Variants in GMDS observed in about 807,000 individuals in gnomAD.
GMDS encodes GDP-mannose 4,6 dehydratase.
In GMDS, 20 loss-of-function variants were observed where a neutral mutation model predicts 49.9. The observed-to-expected ratio is 0.40, with a 90% CI of 0.28 to 0.58. The LOEUF (loss-of-function observed/expected upper bound fraction) is 0.58, where lower values mean the gene tolerates loss of function less well. Ranked by LOEUF, GMDS falls within the 20% of genes least tolerant of loss-of-function variation. GMDS has a pLI of 0.42. For synonymous variants in GMDS, 177 were observed against 178.6 expected (o/e 0.99, Z 0.07); for missense variants, 362 against 481.4 (o/e 0.75, Z 2.32).
chr6:1,803,162 G>A (rs1165315690), intron 7 of GMDS, among the ~76,000 whole-genome samples: 1 of 152,192 alleles, frequency 6.6e-6, no homozygotes, highest in Non-Finnish European at 1.5e-5. Flanking sequence ...CATCGGCACT[G>A]TATGTTTGAG....
At chr6:1,906,782 A>G (rs114871633) in intron 7 of GMDS, among the ~76,000 whole-genome samples, 27 of 152,300 alleles carry the variant, frequency 1.8e-4, no homozygotes, top group Non-Finnish European at 3.4e-4. Context: ...TCTGGGAGCT[A>G]TCTTCGGATC....
intron 1 of GMDS, among the ~76,000 whole-genome samples, chr6:2,219,751 C>G (rs1373219609): frequency 6.6e-6 from 1 of 152,188 alleles, no homozygotes; most frequent in African/African-American, 2.4e-5. Flanking sequence ...AAAATTCCCT[C>G]TGATTTCAGT....
At chr6:2,024,696 A>C (rs993651402) in intron 4 of GMDS, among the ~76,000 whole-genome samples, 1 of 152,086 alleles carries the variant, frequency 6.6e-6, no homozygotes, top group African/African-American at 2.4e-5. Flanking sequence ...GCCAAAAGCA[A>C]GAAAGAAAAG....
chr6:1,867,939 T>C (rs573663399), intron 7 of GMDS, among the ~76,000 whole-genome samples: 2 of 152,098 alleles, frequency 1.3e-5, no homozygotes, highest in Non-Finnish European at 2.9e-5. Flanking sequence ...CCCCAACAGA[T>C]GATCCTAGGA....
intron 9 of GMDS, among the ~76,000 whole-genome samples, chr6:1,716,189 T>C (rs1766170725): frequency 6.6e-6 from 1 of 152,222 alleles, no homozygotes; most frequent in African/African-American, 2.4e-5. Flanking sequence ...TTTCTCTGAG[T>C]TACTGTTAAG....
At chr6:1,927,437 G>A (rs932893176) in intron 7 of GMDS, among the ~76,000 whole-genome samples, 5 of 152,232 alleles carry the variant, frequency 3.3e-5, no homozygotes, top group Admixed American at 6.5e-5. Context: ...AGAGGGTAGC[G>A]TGCTGTGTGC....
At chr6:1,935,688 G>C (rs1312243582) in intron 6 of GMDS, among the ~76,000 whole-genome samples, 1 of 152,162 alleles carries the variant, frequency 6.6e-6, no homozygotes, top group Non-Finnish European at 1.5e-5. Flanking sequence ...AGGAAAGAGA[G>C]TATGCAAGTA....
chr6:1,971,734 C>T (rs1341280452), intron 4 of GMDS, among the ~76,000 whole-genome samples: 1 of 152,184 alleles, frequency 6.6e-6, no homozygotes, highest in Non-Finnish European at 1.5e-5. Context: ...ATCTCTCACC[C>T]CTACTGCTTA....
intron 1 of GMDS, among the ~76,000 whole-genome samples, chr6:2,155,382 G>T (rs1229465226): frequency 6.6e-6 from 1 of 152,124 alleles, no homozygotes. Context: ...TTCCAGAAAT[G>T]AAGTGGATTC....
chr6:1,719,831 G>A (rs1383959876), intron 9 of GMDS, among the ~76,000 whole-genome samples: 1 of 152,214 alleles, frequency 6.6e-6, no homozygotes, highest in Non-Finnish European at 1.5e-5. Context: ...AGTTGATGCA[G>A]ATGCTAAAAC....
intron 4 of GMDS, among the ~76,000 whole-genome samples, chr6:1,995,217 C>T (rs1766203690): frequency 6.6e-6 from 1 of 152,108 alleles, no homozygotes; most frequent in Non-Finnish European, 1.5e-5. Context: ...AGGTGTTGTG[C>T]CACAGATCGT....
At chr6:2,075,259 T>C (rs1772262818) in intron 4 of GMDS, among the ~76,000 whole-genome samples, 1 of 152,132 alleles carries the variant, frequency 6.6e-6, no homozygotes, top group African/African-American at 2.4e-5. Context: ...AATTTTTTTT[T>C]TTTACAGGAA....
chr6:2,223,534 G>A (rs1230518271), intron 1 of GMDS, among the ~76,000 whole-genome samples: 2 of 152,072 alleles, frequency 1.3e-5, no homozygotes, highest in African/African-American at 4.8e-5. Context: ...GGCAGGACAA[G>A]GTAACTGATG....
intron 6 of GMDS, among the ~76,000 whole-genome samples, chr6:1,948,717 G>A (rs1383111437): frequency 6.6e-6 from 1 of 151,930 alleles, no homozygotes; most frequent in Non-Finnish European, 1.5e-5. Flanking sequence ...TCTTTCACAC[G>A]TCCTTGATAT....
intron 4 of GMDS, among the ~76,000 whole-genome samples, chr6:2,045,699 G>C (rs555492867): frequency 9.9e-5 from 15 of 151,602 alleles, no homozygotes; most frequent in African/African-American, 2.4e-5. Context: ...ACCTTTCCTG[G>C]AGTAATCCTA....
chr6:1,663,403 C>G (rs186603339), intron 9 of GMDS, among the ~76,000 whole-genome samples: 1 of 152,194 alleles, frequency 6.6e-6, no homozygotes, highest in East Asian at 1.9e-4. Flanking sequence ...TTAACTGAAA[C>G]GTCCCAAAGT....
chr6:1,647,960 G>C (rs1763537378), intron 9 of GMDS, among the ~76,000 whole-genome samples: 1 of 152,198 alleles, frequency 6.6e-6, no homozygotes, highest in Non-Finnish European at 1.5e-5. Context: ...GACCAGCACA[G>C]TTCCCACATC....
intron 9 of GMDS, among the ~76,000 whole-genome samples, chr6:1,648,460 A>G (rs1162713760): frequency 6.6e-6 from 1 of 152,206 alleles, no homozygotes; most frequent in Non-Finnish European, 1.5e-5. Flanking sequence ...CATCACCACT[A>G]AGGGCAGCTC....
intron 4 of GMDS, among the ~76,000 whole-genome samples, chr6:1,995,846 A>C (rs148905628): frequency 2.0e-5 from 3 of 151,848 alleles, no homozygotes; most frequent in Non-Finnish European, 4.4e-5. Context: ...GGTCCTGCTT[A>C]ACTGCCTGAG....
Sources: allele counts gnomAD v4.1 joint callset (sites outside exome capture counted in the v4.1 genomes callset), GRCh38; gene constraint gnomAD v4.1.1; transcripts MANE v1.5; gene names NCBI Gene and HGNC (gene_info 2026-07-23, HGNC 2026-07-21).